Variants in DNA2 observed in about 807,000 individuals in gnomAD.
DNA2 encodes the protein DNA replication helicase/nuclease 2, also known as DNA replication ATP-dependent helicase/nuclease DNA2.
In DNA2, 101 loss-of-function variants were observed where a neutral mutation model predicts 119.1. That is an observed-to-expected ratio of 0.85 (90% CI 0.72 to 1.00). The LOEUF is 1.00. DNA2 is among the 50% of genes least tolerant of loss of function. The probability of loss-of-function intolerance (pLI) is 0.00; values close to 1 mark genes in which losing one functional copy is unlikely to be tolerated. For missense variants in DNA2, 1,121 were observed against 1,255.5 expected (o/e 0.89, Z 1.62); for synonymous variants, 366 against 424.4 (o/e 0.86, Z 1.69).
Position 68,414,795 on chromosome 10 carries a change from T to A in DNA2, c.*244A>T. 3 of 387,250 alleles carry A rather than the reference T, an allele frequency of 7.7e-6. No homozygotes were observed. Among genetic ancestry groups the A allele is most frequent in the Non-Finnish European group, 1.4e-5 (3 of 210,002 alleles). 24.0% of individuals were successfully genotyped at this position (387,250 alleles called of 1,614,324 possible). ...GTCCTGAAATGTCTGACTTAAAAGT[T>A]TAAAGCTCAAAGTCAAAAGTTAATC... On this transcript the variant is annotated 3_prime_UTR_variant, in exon 21 of 21. Coordinates refer to ENST00000358410, the MANE Select transcript of DNA2 (RefSeq NM_001080449.3).
chr10:68,451,370 A>C (rs1319932368), intron 5 of DNA2, among the ~76,000 whole-genome samples: 1 of 152,154 alleles, frequency 6.6e-6, no homozygotes, highest in Admixed American at 6.6e-5. Flanking sequence ...TGAGCACAGA[A>C]AGGAGAAAAA....
chr10:68,430,464 G>A lies in DNA2; in HGVS notation c.2180C>T (p.Ala727Val). The A allele has an allele frequency of 6.2e-7, 1 of 1,606,920 alleles. No homozygotes were observed. The highest frequency in any genetic ancestry group is 1.7e-4 in the Middle Eastern group (1 of 6,050). ...ACTATTGTAGAGTTCTTCTAGAAGA[G>A]CTAAGGATTTAATGGACTTTGATCT... ...ICRSKSIKSL[A>V]LLEELYNSQL... is the part of the protein sequence containing the mutation. Residue 727 changes from alanine (A) to valine (V), a missense_variant, in exon 14 of 21, where the codon GCT (alanine) becomes GTT (valine). Transcript: ENST00000358410.
At position 68,445,066 on chromosome 10, in the gene DNA2, T is replaced by C; in HGVS notation, c.1075A>G (p.Asn359Asp). The change falls in exon 8 of 21, where the codon AAC becomes GAC. Residue 359 changes from asparagine to aspartate, a missense_variant. Physicochemically the swap from Asn to Asp is conservative, Grantham distance 23 (BLOSUM62 1). Transcript: ENST00000358410. ...TGAAACAATGAGAATGCCATCTGGT[T>C]TCTTAGCTTTAATAATTCTATGAAA... is the stretch of plus-strand genomic sequence containing the variant. ...LDKRELLKLRNQMAFSLFHRI... is the reference protein window; with the variant it reads ...LDKRELLKLRDQMAFSLFHRI... 1.2e-6 allele frequency: 2 copies of C among 1,602,168 alleles called. No homozygotes were observed. Among genetic ancestry groups the C allele is most frequent in the Non-Finnish European group, 1.7e-6 (2 of 1,174,226 alleles).
At chr10:68,422,202 T>G (rs200292648) in intron 17 of DNA2, 23 bp downstream of exon 17, 177 of 1,493,612 alleles carry the variant, frequency 1.2e-4, no homozygotes, top group African/African-American at 1.0e-3. Context: ...TGAGAAAAAC[T>G]AAACAGAAAT....
intron 1 of DNA2, among the ~76,000 whole-genome samples, chr10:68,471,224 T>C (rs1350705320): frequency 6.6e-6 from 1 of 152,216 alleles, no homozygotes; most frequent in South Asian, 2.1e-4. Flanking sequence ...GCTTTATTCC[T>C]GTAGTCCACC....
At chr10:68,425,088 C>CTTTTTTT (rs60065153) in intron 14 of DNA2, 23 of 131,386 alleles carry the variant, frequency 1.8e-4, no homozygotes, top group African/African-American at 8.9e-4. Flanking sequence ...TGGAACATTT[C>CTTTTTTT]TTTTTTTTTT....
At chr10:68,466,887 T>G (rs968153555) in intron 3 of DNA2, among the ~76,000 whole-genome samples, 8 of 150,560 alleles carry the variant, frequency 5.3e-5, no homozygotes, top group Non-Finnish European at 1.2e-4. Flanking sequence ...TCCAAAAAGT[T>G]TTTTAAAACT....
At chr10:68,415,897 G>A (rs1305276986) in intron 20 of DNA2, among the ~76,000 whole-genome samples, 2 of 151,994 alleles carry the variant, frequency 1.3e-5, no homozygotes, top group Non-Finnish European at 2.9e-5. Context: ...CAATCCACCT[G>A]CTTCAGCCTC....
chr10:68,415,588 A>G (rs1430783479), intron 20 of DNA2, among the ~76,000 whole-genome samples: 1 of 151,056 alleles, frequency 6.6e-6, no homozygotes, highest in Non-Finnish European at 1.5e-5. Context: ...AGAGTTATTT[A>G]TCTTAGCCTA....
At chr10:68,437,748 T>C (rs1316600672) in intron 9 of DNA2, among the ~76,000 whole-genome samples, 1 of 152,184 alleles carries the variant, frequency 6.6e-6, no homozygotes, top group Non-Finnish European at 1.5e-5. Context: ...TTAGAAATGT[T>C]AAGTAAACAT....
At chr10:68,434,378 T>C (rs571353916) in intron 10 of DNA2, among the ~76,000 whole-genome samples, 1 of 152,200 alleles carries the variant, frequency 6.6e-6, no homozygotes, top group South Asian at 2.1e-4. Flanking sequence ...CTGGGTGTAG[T>C]AGCTCATGCC....
chr10:68,431,997 GAA>G, intron 12 of DNA2, 26 bp from the exon 13 acceptor site: 2 of 1,507,338 alleles, frequency 1.3e-6, no homozygotes, highest in South Asian at 1.2e-5. Flanking sequence ...AAAATAACAG[GAA>G]AAAGAGTGTT....
intron 20 of DNA2, among the ~76,000 whole-genome samples, chr10:68,416,080 A>T (rs1416763015): frequency 2.6e-5 from 4 of 152,148 alleles, no homozygotes; most frequent in Non-Finnish European, 5.9e-5. Flanking sequence ...CAGAAAGGTA[A>T]GGTGGGACGA....
At chr10:68,418,983 A>AT in intron 19 of DNA2, 51 bp downstream of exon 19, 1 of 1,514,552 alleles carries the variant, frequency 6.6e-7, no homozygotes, top group South Asian at 1.3e-5. Context: ...CACAATTTTT[A>AT]AAGAGAGAGA....
intron 9 of DNA2, among the ~76,000 whole-genome samples, chr10:68,441,719 G>C (rs2051971075): frequency 1.3e-5 from 2 of 152,064 alleles, no homozygotes; most frequent in Non-Finnish European, 2.9e-5. Context: ...AGATTGCAGT[G>C]AGCTGACAAC....
chr10:68,468,004 G>A lies in DNA2; in HGVS notation c.441+119C>T, dbSNP rs187233713. On this transcript the variant is annotated intron_variant, in intron 3 of 20. Coordinates refer to ENST00000358410, the MANE Select transcript of DNA2 (RefSeq NM_001080449.3). ...CCATTTTCCTCATCTATAAAATGCA[G>A]CTAATTAATACCATTTATTTTATAG... 4.5e-4 allele frequency: 331 copies of A among 742,688 alleles called. 1 individual carries two copies. Among genetic ancestry groups the A allele is most frequent in the African/African-American group, 3.9e-3 (216 of 55,434 alleles). The allele number at this position is 742,688 out of a possible 1,614,324, so 46.0% of individuals were successfully genotyped here.
intron 5 of DNA2, among the ~76,000 whole-genome samples, chr10:68,455,750 A>T (rs2052174085): frequency 6.6e-6 from 1 of 151,806 alleles, no homozygotes; most frequent in South Asian, 2.1e-4. Flanking sequence ...GAACCCAGGA[A>T]GCAGAGGTTG....
At chr10:68,443,255 T>A in intron 8 of DNA2, 144 bp from the exon 9 acceptor site, 1 of 732,148 alleles carries the variant, frequency 1.4e-6, no homozygotes, top group Non-Finnish European at 2.1e-6. Context: ...AAAAGTCATT[T>A]AAACATAAGC....
intron 10 of DNA2, among the ~76,000 whole-genome samples, chr10:68,434,649 CA>C (rs11317417): frequency 0.22 from 31,189 of 142,620 alleles, 5,295 homozygotes; most frequent in African/African-American, 0.48. Flanking sequence ...GACCATGTGT[CA>C]AAAAAAAAAA....
Sources: gnomAD v4.1 joint callset for allele counts (sites outside exome capture counted in the v4.1 genomes callset) on GRCh38, gnomAD v4.1.1 for gene constraint, MANE v1.5 for transcripts, NCBI Gene and HGNC (gene_info 2026-07-23, HGNC 2026-07-21) for gene names.